C4orf50: variants seen among roughly 807,000 people sequenced by gnomAD.
The protein encoded by C4orf50 is uncharacterized protein C4orf50.
C4orf50 carries 80 observed loss-of-function variants against 77.2 expected under a neutral mutation model. The observed-to-expected ratio is 1.04, with a 90% CI of 0.87 to 1.25. The LOEUF (loss-of-function observed/expected upper bound fraction) is 1.25. Among genes scored for constraint, C4orf50 ranks in the 50% most tolerant of loss-of-function variants. The probability of loss-of-function intolerance (pLI) is 0.00; values close to 1 mark genes in which losing one functional copy is unlikely to be tolerated. For synonymous variants in C4orf50, 532 were observed against 465.3 expected, an observed-to-expected ratio of 1.14 and a Z score of -1.84; for missense variants, 1,257 against 1,152.9, an observed-to-expected ratio of 1.09 and a Z score of -1.31.
At position 6,007,643 on chromosome 4, in the gene C4orf50, C is replaced by A. The variant is rs547064257; in HGVS notation, c.963+353G>T. ...GTGGGCTCATAAGTGGCTGCGTGGA[C>A]AAACAGGTGTTAGGATGAATGGCAA... On this transcript the variant is annotated intron_variant, in intron 25 of 33. Coordinates refer to ENST00000531445, the Ensembl canonical transcript of C4orf50. This position sits in a 1 kb window ranked among gnomAD's most constrained non-coding sequence, Gnocchi z 4.1. Among the ~76,000 whole-genome samples the A allele has an allele frequency of 6.6e-6, 1 of 152,212 alleles. No individual in the cohort carries two copies. The highest frequency in any genetic ancestry group is 1.5e-5 in the Non-Finnish European group (1 of 68,022).
intron 27 of C4orf50, among the ~76,000 whole-genome samples, chr4:5,991,123 C>G (rs1721261350): frequency 6.6e-6 from 1 of 152,222 alleles, no homozygotes. Context: ...CACTCTCGGG[C>G]CATCCACCCT....
downstream of C4orf50, among the ~76,000 whole-genome samples, chr4:5,952,517 A>G (rs557768200): frequency 2.6e-5 from 4 of 152,100 alleles, no homozygotes; most frequent in African/African-American, 9.7e-5. This position sits in a 1 kb window ranked among gnomAD's most constrained non-coding sequence, Gnocchi z 4.4. Context: ...CAGGCGGCAC[A>G]GTCAAGGGAC....
At chr4:6,004,388 T>C (rs1367130825) in intron 25 of C4orf50, among the ~76,000 whole-genome samples, 1 of 95,896 alleles carries the variant, frequency 1.0e-5, no homozygotes, top group Non-Finnish European at 2.3e-5. Flanking sequence ...ATGATGGTGA[T>C]GGTGGTGATG....
At chr4:5,944,862 G>C (rs1385507393) in intron 7 of C4orf50, among the ~76,000 whole-genome samples, 2 of 152,164 alleles carry the variant, frequency 1.3e-5, no homozygotes, top group African/African-American at 2.4e-5. Context: ...TCAGAGAGGA[G>C]AGGACTAACA....
At position 5,943,856 on chromosome 4, in the gene C4orf50, G is replaced by C. The variant is rs574132551; in HGVS notation, c.*2474+13045C>G. ...CGGACTTCATCTTATTTCCTTAAAC[G>C]ACGAATTCCTTTTGAGAGTGAAGAT... On this transcript the variant is annotated intron_variant, in intron 7 of 7. Coordinates refer to the C4orf50 transcript ENST00000324058. Among the ~76,000 whole-genome samples, 14 of 152,270 alleles carry C rather than the reference G, an allele frequency of 9.2e-5. No individual in the cohort carries two copies. In the South Asian group the frequency reaches 1.2e-3, roughly 14 times the overall value.
At chr4:5,949,529 C>T (rs1718631349) in intron 7 of C4orf50, among the ~76,000 whole-genome samples, 1 of 152,100 alleles carries the variant, frequency 6.6e-6, no homozygotes, top group African/African-American at 2.4e-5. Context: ...TGGTGGCTGT[C>T]AGGAGCTGGG....
chr4:5,910,432 T>C (rs989469445), intron 7 of C4orf50, among the ~76,000 whole-genome samples: 6 of 152,212 alleles, frequency 3.9e-5, no homozygotes, highest in African/African-American at 1.4e-4. Context: ...GTCACTAATT[T>C]TTATATTTTA....
intron 25 of C4orf50, among the ~76,000 whole-genome samples, chr4:5,998,588 T>C (rs1200468767): frequency 1.3e-5 from 2 of 152,226 alleles, no homozygotes; most frequent in African/African-American, 4.8e-5. Context: ...CGTGGGATCG[T>C]GATCTCAGCT....
Position 6,008,463 on chromosome 4 carries a change from T to A in C4orf50, c.496A>T (p.Lys166Ter), listed in dbSNP as rs867139084. Residue 166 changes from lysine to a stop codon, truncating the protein, a stop_gained, in exon 25 of 34, where the codon AAG becomes TAG. Coordinates refer to ENST00000531445, the Ensembl canonical transcript of C4orf50. LOFTEE classifies it high-confidence loss of function. The surrounding 1 kb of genome is among the most constrained non-coding windows in gnomAD (Gnocchi z 6.0). ...GCCTGCTGCCCCAGTGCCTCGTCCT[T>A]GCGCCGCAACCGCTCCTGCAACCGC... 2.6e-4 allele frequency: 102 copies of A among 397,456 alleles called. No individual in the cohort carries two copies. The highest frequency in any genetic ancestry group is 2.2e-3 in the Admixed American group (51 of 22,684). 24.6% of individuals were successfully genotyped at this position (397,456 alleles called of 1,614,324 possible). A position where few individuals can be genotyped will look rare whatever the true frequency, so the allele number is the denominator to read the frequency against.
At chr4:5,924,521 G>T (rs981381295) in intron 7 of C4orf50, among the ~76,000 whole-genome samples, 2 of 152,182 alleles carry the variant, frequency 1.3e-5, no homozygotes, top group African/African-American at 4.8e-5. Flanking sequence ...GGCTGAGCAA[G>T]GGTAGAGAAA....
chr4:5,999,749 G>T (rs918515498), intron 25 of C4orf50, among the ~76,000 whole-genome samples: 38 of 152,198 alleles, frequency 2.5e-4, no homozygotes, highest in African/African-American at 8.7e-4. Flanking sequence ...GCCACCAGAG[G>T]TGGCTCATGT....
intron 32 of C4orf50, among the ~76,000 whole-genome samples, chr4:5,966,501 T>C (rs2108768476): frequency 6.6e-6 from 1 of 150,664 alleles, no homozygotes; most frequent in East Asian, 2.0e-4. Context: ...ATAATAAAAA[T>C]AGCAGAATTA....
In C4orf50 at chr4:6,011,479, C is replaced by A. The variant is rs902794601; in HGVS notation, c.426+351G>T. 2.6e-5 allele frequency among the ~76,000 whole-genome samples: 4 copies of A among 152,086 alleles called. No individual in the cohort carries two copies. Among genetic ancestry groups the A allele is most frequent in the African/African-American group, 7.2e-5 (3 of 41,410 alleles). On this transcript the variant is annotated intron_variant, in intron 24 of 33. Coordinates refer to ENST00000531445, the Ensembl canonical transcript of C4orf50. The surrounding 1 kb of genome is among the most constrained non-coding windows in gnomAD (Gnocchi z 4.2). ...GGATCGCACACTCCCCCATGGCACC[C>A]CACATCCGGGTTTAGAGTTATTTGT...
chr4:6,003,170 G>T (rs1481049810), intron 25 of C4orf50, among the ~76,000 whole-genome samples: 1 of 152,216 alleles, frequency 6.6e-6, no homozygotes, highest in Non-Finnish European at 1.5e-5. Context: ...TCCACAGGCT[G>T]CTGGGACACA....
intron 28 of C4orf50, among the ~76,000 whole-genome samples, chr4:5,981,181 C>T (rs187892680): frequency 5.9e-5 from 9 of 152,172 alleles, no homozygotes; most frequent in Middle Eastern, 3.4e-3. Flanking sequence ...CCCTTAACAC[C>T]GTGTTCTGGG....
chr4:5,994,613 A>G (rs1721477641), intron 25 of C4orf50, 137 bp from the exon 4 acceptor site: 3 of 397,660 alleles, frequency 7.5e-6, no homozygotes, highest in Non-Finnish European at 1.3e-5. Flanking sequence ...CTCAGAGGGC[A>G]GAGAGCTCAC....
At chr4:5,986,427 A>G (rs1365766254) in intron 28 of C4orf50, among the ~76,000 whole-genome samples, 1 of 152,234 alleles carries the variant, frequency 6.6e-6, no homozygotes, top group East Asian at 1.9e-4. Context: ...AAATCATAAT[A>G]GAAATTAGAA....
In C4orf50 at chr4:5,980,608, T is replaced by C. The variant is rs570122497; in HGVS notation, c.3700-270A>G. Among the ~76,000 whole-genome samples the C allele has an allele frequency of 3.9e-5, 6 of 152,174 alleles. No individual in the cohort carries two copies. In the South Asian group the frequency reaches 1.2e-3, roughly 32 times the overall value. On this transcript the variant is annotated intron_variant, in intron 28 of 33. Transcript: ENST00000531445. ...CACGTGCATGTATAGGAGTGGGTGGTTCTGCTTGGTTTCCGGAGGTGGGTG... is the reference window on the plus strand; with the variant it reads ...CACGTGCATGTATAGGAGTGGGTGGCTCTGCTTGGTTTCCGGAGGTGGGTG...
intron 7 of C4orf50, chr4:5,899,293 T>A (rs1164225756): frequency 2.6e-5 from 4 of 152,222 alleles, no homozygotes; most frequent in African/African-American, 7.2e-5. Context: ...TCACAGAATA[T>A]CTCTTTCTGC....
Sources: gnomAD v4.1 joint callset for allele counts (sites outside exome capture counted in the v4.1 genomes callset) on GRCh38, gnomAD v4.1.1 for gene constraint, Gnocchi (gnomAD v3.1) non-coding constraint, MANE v1.5 for transcripts, NCBI Gene and HGNC (gene_info 2026-07-23, HGNC 2026-07-21) for gene names.